The following PKD2 variants were observed in gnomAD, a reference collection of about 807,000 sequenced individuals.
The protein encoded by PKD2 is polycystin 2, transient receptor potential cation channel.
A neutral mutation model predicts 105.9 loss-of-function variants in PKD2; 48 were observed. The observed-to-expected ratio is 0.45, with a 90% CI of 0.36 to 0.58. The LOEUF is 0.58. PKD2 is among the 20% of genes least tolerant of loss of function. PKD2 has a pLI of 0.00. For synonymous variants in PKD2, 464 were observed against 481.1 expected (o/e 0.96, Z 0.46); for missense variants, 1,078 against 1,255.3 (o/e 0.86, Z 2.13).
In PKD2 at chr4:88,007,672, C is replaced by T. The variant is rs1726214396; in HGVS notation, c.-62C>T. On this transcript the variant is annotated 5_prime_UTR_variant, in exon 1 of 15. Coordinates refer to ENST00000237596, the MANE Select transcript of PKD2 (RefSeq NM_000297.4). ...GCGCCGGGAAGAAAGGAACATGGCTCCTGAGGCGCACAGCGCCGAGCGCGG... is the reference window on the plus strand; with the variant it reads ...GCGCCGGGAAGAAAGGAACATGGCTTCTGAGGCGCACAGCGCCGAGCGCGG... The T allele has an allele frequency of 9.3e-7, 1 of 1,069,842 alleles. No individual in the cohort carries two copies. The highest frequency in any genetic ancestry group is 1.1e-6 in the Non-Finnish European group (1 of 878,490). The allele number at this position is 1,069,842 out of a possible 1,614,324, so 66.3% of individuals were successfully genotyped here.
At chr4:88,036,458 C>G in intron 3 of PKD2, 105 bp downstream of exon 3, 3 of 1,569,526 alleles carry the variant, frequency 1.9e-6, no homozygotes, top group Non-Finnish European at 2.6e-6. Context: ...TTGCATTTAA[C>G]ACTGTGTGAG....
At chr4:88,010,713 G>T (rs1476692063) in intron 1 of PKD2, among the ~76,000 whole-genome samples, 2 of 152,228 alleles carry the variant, frequency 1.3e-5, no homozygotes, top group African/African-American at 4.8e-5. Flanking sequence ...TAAAATGGAA[G>T]AATTGAACCT....
intron 13 of PKD2, 60 bp from the exon 14 acceptor site, chr4:88,074,752 A>C: frequency 6.3e-7 from 1 of 1,581,258 alleles, no homozygotes; most frequent in Non-Finnish European, 8.7e-7. Context: ...TTGAAAAGCC[A>C]GTGGGGCTGA....
At chr4:88,063,084 C>T (rs1342094861) in intron 10 of PKD2, among the ~76,000 whole-genome samples, 1 of 152,214 alleles carries the variant, frequency 6.6e-6, no homozygotes, top group Admixed American at 6.5e-5. Flanking sequence ...ACCTGAGTAA[C>T]AGATGTGCAG....
At chr4:88,040,360 C>T (rs1254339172) in intron 4 of PKD2, among the ~76,000 whole-genome samples, 1 of 152,208 alleles carries the variant, frequency 6.6e-6, no homozygotes, top group Non-Finnish European at 1.5e-5. Flanking sequence ...GCTGTATTCT[C>T]AAAGCCTTGA....
At chr4:88,026,598 C>G (rs898782036) in intron 2 of PKD2, among the ~76,000 whole-genome samples, 3 of 152,210 alleles carry the variant, frequency 2.0e-5, no homozygotes, top group Admixed American at 6.5e-5. Flanking sequence ...GGGAGAAATT[C>G]AAGCTGGCTG....
At chr4:88,036,560 G>T (rs544476067) in intron 3 of PKD2, 1 of 241,346 alleles carries the variant, frequency 4.1e-6, no homozygotes, top group South Asian at 1.5e-4. Context: ...CTTGCACTGT[G>T]CTGAGTGTTT....
At chr4:88,067,227 T>G (rs535207024) in intron 12 of PKD2, among the ~76,000 whole-genome samples, 1 of 152,328 alleles carries the variant, frequency 6.6e-6, no homozygotes, top group South Asian at 2.1e-4. Flanking sequence ...GTTTTCAGAT[T>G]AGGGATGCTG....
At chr4:88,052,241 A>T in intron 7 of PKD2, 83 bp downstream of exon 7, 3 of 895,028 alleles carry the variant, frequency 3.4e-6, no homozygotes, top group Non-Finnish European at 5.4e-6. Flanking sequence ...GGAATACTTG[A>T]ATTTGAAATT....
chr4:88,021,427 T>A (rs1258273229), intron 2 of PKD2, among the ~76,000 whole-genome samples: 1 of 152,220 alleles, frequency 6.6e-6, no homozygotes, highest in African/African-American at 2.4e-5. Context: ...TTTGAGAATA[T>A]TGTCGCTTTT....
rs1328585659 is a variant in PKD2, at chr4:88,007,644, C to G, written c.-90C>G. ...GTCGGGGGCGGGGAGCAGGCGGCGG[C>G]GGGCGCCGGGAAGAAAGGAACATGG... On this transcript the variant is annotated 5_prime_UTR_variant, in exon 1 of 15. Transcript: ENST00000237596. The G allele has an allele frequency of 1.2e-6, 1 of 853,090 alleles. No homozygotes were observed. The highest frequency in any genetic ancestry group is 1.4e-6 in the Non-Finnish European group (1 of 693,806). 52.8% of individuals were successfully genotyped at this position (853,090 alleles called of 1,614,324 possible).
intron 7 of PKD2, among the ~76,000 whole-genome samples, chr4:88,054,810 A>G (rs1399138011): frequency 1.3e-5 from 2 of 151,846 alleles, no homozygotes; most frequent in East Asian, 3.9e-4. Flanking sequence ...GGCTGCCACC[A>G]CGCCCGGCTA....
chr4:88,035,705 A>G (rs1311309161), intron 2 of PKD2, among the ~76,000 whole-genome samples: 2 of 152,202 alleles, frequency 1.3e-5, no homozygotes, highest in Admixed American at 1.3e-4. Context: ...GTTCGTAAAG[A>G]TTAGCCTCAG....
chr4:88,013,700 G>A (rs1440851180), intron 1 of PKD2, among the ~76,000 whole-genome samples: 3 of 148,340 alleles, frequency 2.0e-5, no homozygotes, highest in East Asian at 4.3e-4. Flanking sequence ...AGAGGTGAGA[G>A]CCTGTATCTA....
chr4:88,008,649 T>C (rs1726279907), intron 1 of PKD2, among the ~76,000 whole-genome samples: 1 of 152,064 alleles, frequency 6.6e-6, no homozygotes, highest in Admixed American at 6.5e-5. Flanking sequence ...TTTTTTTTCT[T>C]GTAGAGGAAA....
chr4:88,034,951 C>G (rs541891315), intron 2 of PKD2, among the ~76,000 whole-genome samples: 2 of 152,130 alleles, frequency 1.3e-5, no homozygotes, highest in Non-Finnish European at 2.9e-5. Flanking sequence ...TGGTAAAGTG[C>G]TGAAATTTAT....
intron 2 of PKD2, among the ~76,000 whole-genome samples, chr4:88,033,696 T>C (rs1727238900): frequency 6.6e-6 from 1 of 152,198 alleles, no homozygotes; most frequent in African/African-American, 2.4e-5. Flanking sequence ...ATAAATAATT[T>C]ATCAAAATTC....
At chr4:88,009,402 C>G (rs905596561) in intron 1 of PKD2, among the ~76,000 whole-genome samples, 1 of 152,146 alleles carries the variant, frequency 6.6e-6, no homozygotes, top group Admixed American at 6.5e-5. Flanking sequence ...AAAACCAGGT[C>G]AGGCCTACAC....
At chr4:88,011,001 T>C (rs559912656) in intron 1 of PKD2, among the ~76,000 whole-genome samples, 3 of 152,106 alleles carry the variant, frequency 2.0e-5, no homozygotes, top group African/African-American at 7.2e-5. Flanking sequence ...TGAAAGGAAA[T>C]TGTGTCAGCA....
Sources: allele counts gnomAD v4.1 joint callset (sites outside exome capture counted in the v4.1 genomes callset), GRCh38; gene constraint gnomAD v4.1.1; transcripts MANE v1.5; gene names NCBI Gene and HGNC (gene_info 2026-07-23, HGNC 2026-07-21).